TNNT3: variants seen among roughly 807,000 people sequenced by gnomAD.
The protein encoded by TNNT3 is troponin T, fast skeletal muscle.
Under a neutral mutation model 54.2 loss-of-function variants are expected in TNNT3, and 36 were observed. That is an observed-to-expected ratio of 0.66 (90% CI 0.51 to 0.88). TNNT3 has a LOEUF of 0.88. Ranked by LOEUF, TNNT3 falls within the 40% of genes least tolerant of loss-of-function variation. TNNT3 has a pLI of 0.00. For synonymous variants in TNNT3, 120 were observed against 109.7 expected (o/e 1.09, Z -0.59); for missense variants, 291 against 331.6 (o/e 0.88, Z 0.95).
At chr11:1,929,258 T>C in intron 7 of TNNT3, 115 bp downstream of exon 7, 1 of 1,327,338 alleles carries the variant, frequency 7.5e-7, no homozygotes, top group Admixed American at 1.7e-5. Context: ...CTGTCCTCTT[T>C]CTCTTCCCCT....
At chr11:1,932,636 C>A (rs1853736380) in intron 9 of TNNT3, 122 bp downstream of exon 9, 4 of 890,906 alleles carry the variant, frequency 4.5e-6, no homozygotes, top group Non-Finnish European at 7.4e-6. Context: ...TGGGTCTGGG[C>A]AATTCTACCA....
At position 1,934,874 on chromosome 11, in the gene TNNT3, T is replaced by C. The variant is rs16927166; in HGVS notation, c.636T>C (p.Ile212=). Residue 212 remains isoleucine, a synonymous_variant, in exon 14 of 16, where the codon ATT becomes ATC. Transcript: ENST00000278317. Reference sequence around the variant, plus strand: ...GGGAGACCCTGCACCAGCTGGAGATTGACAAGTTCGAGTTTGGGGAGAAGC... The same window carrying C: ...GGGAGACCCTGCACCAGCTGGAGATCGACAAGTTCGAGTTTGGGGAGAAGC... ...ELWETLHQLE[I]DKFEFGEKLK... is the part of the protein sequence containing the mutation. 27,467 of 1,613,608 alleles carry C rather than the reference T, an allele frequency of 0.017. 675 individuals carry two copies. The highest frequency in any genetic ancestry group is 0.1 in the African/African-American group (7,675 of 75,036).
chr11:1,932,613 A>G, intron 9 of TNNT3, 99 bp downstream of exon 9: 2 of 1,229,408 alleles, frequency 1.6e-6, no homozygotes, highest in South Asian at 2.4e-5. Flanking sequence ...AAGTAGCCAG[A>G]GCCGGGGCCT....
Position 1,919,778 on chromosome 11 carries a change from A to AGC in TNNT3, c.-19+18_-19+19dup, listed in dbSNP as rs1199881037. Reference sequence around the variant, plus strand: ...CGACCCGCAGGTGGGTATAGGCAGGAGCGGCCACCCAGGACTGGGGCCGAC... The same window carrying AGC: ...CGACCCGCAGGTGGGTATAGGCAGGAGCGCGGCCACCCAGGACTGGGGCCGAC... On this transcript the variant is annotated intron_variant, in intron 1 of 15. Transcript: ENST00000278317. 6.6e-6 allele frequency: 1 copy of AGC among 152,182 alleles called. No individual in the cohort carries two copies. The highest frequency in any genetic ancestry group is 1.5e-5 in the Non-Finnish European group (1 of 68,052). The allele number at this position is 152,182 out of a possible 1,614,324, so 9.4% of individuals were successfully genotyped here.
In TNNT3 at chr11:1,934,813, A is replaced by T; in HGVS notation, c.591-16A>T. On this transcript the variant is annotated splice_polypyrimidine_tract_variant and intron_variant, in intron 13 of 15. Transcript: ENST00000278317. ...GGGGCTTATTCAACGAAGCCTCACCACTTCCTCTGCCCCAGGGACAAGGCC... is the reference window on the plus strand; with the variant it reads ...GGGGCTTATTCAACGAAGCCTCACCTCTTCCTCTGCCCCAGGGACAAGGCC... The T allele has an allele frequency of 1.2e-6, 2 of 1,612,506 alleles. No individual in the cohort carries two copies. The highest frequency in any genetic ancestry group is 1.7e-6 in the Non-Finnish European group (2 of 1,179,426).
chr11:1,933,223 A>G (rs1853967217), intron 9 of TNNT3, among the ~76,000 whole-genome samples: 1 of 144,548 alleles, frequency 6.9e-6, no homozygotes, highest in Non-Finnish European at 1.5e-5. Flanking sequence ...TCATTCCTCC[A>G]CCCATCTACC....
At chr11:1,937,919 T>C (rs1266222535) in intron 15 of TNNT3, among the ~76,000 whole-genome samples, 2 of 152,178 alleles carry the variant, frequency 1.3e-5, no homozygotes, top group Non-Finnish European at 2.9e-5. Context: ...GGTGTCCTGC[T>C]GAGCAGCCGC....
intron 3 of TNNT3, 43 bp from the exon 4 acceptor site, chr11:1,923,512 C>T: frequency 6.2e-7 from 1 of 1,612,156 alleles, no homozygotes; most frequent in East Asian, 2.2e-5. Context: ...TCACGGGCTG[C>T]CCCTTCTAAC....
chr11:1,938,320 C>T (rs936459514), intron 15 of TNNT3, 118 bp from the exon 16 acceptor site: 15 of 1,129,954 alleles, frequency 1.3e-5, no homozygotes, highest in Admixed American at 5.1e-5. Context: ...AAGCTTGGGC[C>T]GGGCCTGTGC....
rs1850415730 is a variant in TNNT3 at position 1,922,843 on chromosome 11, A to T, written c.-18-14A>T. ...ATCCTCTCTCTCTCTCTCTCTCTGA[A>T]TCTCTCTCTGCAGAAACCACCCACC... On this transcript the variant is annotated splice_polypyrimidine_tract_variant and intron_variant, in intron 1 of 15. Transcript: ENST00000278317. 4 of 1,607,644 alleles carry T rather than the reference A, an allele frequency of 2.5e-6. No homozygotes were observed. Among genetic ancestry groups the T allele is most frequent in the Non-Finnish European group, 3.4e-6 (4 of 1,177,550 alleles).
chr11:1,934,579 C>A lies in TNNT3; in HGVS notation c.514C>A (p.Arg172=), dbSNP rs1349483522. 6.2e-7 allele frequency: 1 copy of A among 1,609,402 alleles called. No individual in the cohort carries two copies. Among genetic ancestry groups the A allele is most frequent in the Non-Finnish European group, 8.5e-7 (1 of 1,178,414 alleles). The change falls in exon 13 of 16, where the codon CGG becomes AGG. Residue 172 remains arginine (R), a synonymous_variant. Transcript: ENST00000278317. The part of the protein sequence containing the change: ...DQKRGKKQTA[R]EMKKKILAER... ...GAAGAGAGGCAAGAAGCAGACAGCC[C>A]GGGAAATGAAGAAGAAGATTCTGGC...
At chr11:1,923,105 G>A (rs1423435232) in intron 3 of TNNT3, 44 bp downstream of exon 3, 1 of 1,613,198 alleles carries the variant, frequency 6.2e-7, no homozygotes, top group Admixed American at 1.7e-5. Context: ...GCTCTAGAAG[G>A]AAGGCTCACA....
At chr11:1,935,010 C>G in intron 14 of TNNT3, 91 bp downstream of exon 14, 1 of 1,240,528 alleles carries the variant, frequency 8.1e-7, no homozygotes, top group Non-Finnish European at 1.2e-6. Context: ...AAACTCTGGA[C>G]CTGCCCACCC....
chr11:1,921,796 A>G (rs1451168188), intron 1 of TNNT3, among the ~76,000 whole-genome samples: 1 of 152,174 alleles, frequency 6.6e-6, no homozygotes, highest in Non-Finnish European at 1.5e-5. Flanking sequence ...AGTAATCTGT[A>G]CTGTGTTGTA....
At chr11:1,929,948 T>A in intron 8 of TNNT3, 120 bp downstream of exon 8, 3 of 1,366,192 alleles carry the variant, frequency 2.2e-6, no homozygotes, top group Non-Finnish European at 3.1e-6. Context: ...GGTGGCCAAG[T>A]GAGTGTGGGG....
In TNNT3 at chr11:1,934,660, G is replaced by A. The variant is rs780135756; in HGVS notation, c.590+5G>A. 3 of 1,608,570 alleles carry A rather than the reference G, an allele frequency of 1.9e-6. No individual in the cohort carries two copies. Among genetic ancestry groups the A allele is most frequent in the Non-Finnish European group, 2.5e-6 (3 of 1,177,992 alleles). On this transcript the variant is annotated splice_donor_5th_base_variant and intron_variant, in intron 13 of 15. Transcript: ENST00000278317. ...CCTTGGTGAAGACAAACTGAGGTGA[G>A]GGGTGGGTGTTGTGGGGCTCAGCCC... is the stretch of plus-strand genomic sequence containing the variant.
chr11:1,934,231 C>A, intron 11 of TNNT3, 101 bp from the exon 12 acceptor site: 1 of 1,179,974 alleles, frequency 8.5e-7, no homozygotes, highest in Non-Finnish European at 1.2e-6. Flanking sequence ...CAGGGTGGGC[C>A]CTTCCAGACA....
intron 8 of TNNT3, among the ~76,000 whole-genome samples, chr11:1,930,441 C>T (rs571110264): frequency 1.3e-5 from 2 of 152,328 alleles, no homozygotes; most frequent in South Asian, 2.1e-4. Context: ...TGTGCAGGGG[C>T]CCCTGCTCCC....
chr11:1,935,039 G>A (rs1854560545), intron 14 of TNNT3, 120 bp downstream of exon 14: 6 of 982,574 alleles, frequency 6.1e-6, no homozygotes, highest in East Asian at 2.4e-5. Context: ...TGGACCCTGA[G>A]AGGCCCAAAC....
Sources: allele counts gnomAD v4.1 joint callset (sites outside exome capture counted in the v4.1 genomes callset), GRCh38; gene constraint gnomAD v4.1.1; transcripts MANE v1.5; gene names NCBI Gene and HGNC (gene_info 2026-07-23, HGNC 2026-07-21).